Variants in E2F2 observed in about 807,000 individuals in gnomAD.
E2F2 encodes the protein E2F transcription factor 2.
Under a neutral mutation model 42.2 loss-of-function variants are expected in E2F2, and 22 were observed. The ratio of observed to expected loss-of-function variants is 0.52; its 90% CI spans 0.37 to 0.74. E2F2 has a LOEUF of 0.74. Ranked by LOEUF, E2F2 falls within the 30% of genes least tolerant of loss-of-function variation. The pLI, the probability that E2F2 is intolerant of heterozygous loss-of-function variation, is 0.00. For synonymous variants in E2F2, 248 were observed against 251.6 expected (o/e 0.99, Z 0.13); for missense variants, 481 against 557.8 (o/e 0.86, Z 1.39).
intron 6 of E2F2, among the ~76,000 whole-genome samples, chr1:23,513,679 T>A (rs113787063): frequency 4.5e-4 from 68 of 149,918 alleles, no homozygotes; most frequent in African/African-American, 1.7e-3. Context: ...GAAAACTTCC[T>A]CCTCCTCCCT....
In E2F2 at chr1:23,516,802, G is replaced by A. The variant is rs898417949; in HGVS notation, c.853-275C>T. 7.0e-4 allele frequency among the ~76,000 whole-genome samples: 98 copies of A among 139,460 alleles called. 1 individual carries two copies. Among genetic ancestry groups the A allele is most frequent in the African/African-American group, 2.4e-3 (95 of 39,324 alleles). 91.5% of individuals were successfully genotyped at this position (139,460 alleles called of 152,430 possible). A position where few individuals can be genotyped will look rare whatever the true frequency, so the allele number is the denominator to read the frequency against. On this transcript the variant is annotated intron_variant, in intron 5 of 6. Transcript: ENST00000361729. ...TCAGGTCATCTAGTTTTGGGGCGGGGGGGGGGGGGCAGCACCCTTCCCCAA... is the reference window on the plus strand; with the variant it reads ...TCAGGTCATCTAGTTTTGGGGCGGGAGGGGGGGGGCAGCACCCTTCCCCAA...
At chr1:23,518,939 C>CA in intron 5 of E2F2, 77 bp downstream of exon 5, 1 of 1,149,394 alleles carries the variant, frequency 8.7e-7, no homozygotes, top group Non-Finnish European at 1.3e-6. Context: ...GTGCCAGGGA[C>CA]AGAGTCTGCA....
intron 1 of E2F2, among the ~76,000 whole-genome samples, chr1:23,527,087 G>A (rs1643263915): frequency 1.3e-5 from 2 of 152,206 alleles, no homozygotes; most frequent in Admixed American, 1.3e-4. Context: ...CTGAGCACAG[G>A]TCTTGGAGTC....
intron 2 of E2F2, among the ~76,000 whole-genome samples, chr1:23,524,113 A>C (rs866149250): frequency 5.4e-5 from 8 of 147,636 alleles, no homozygotes; most frequent in Non-Finnish European, 1.2e-4. Flanking sequence ...ACAAAAAAAA[A>C]CACAGAAGTA....
rs1643272493 is a variant in E2F2, at chr1:23,527,577, G to A, written c.252+2965C>T. ...CACGGTGAGGAAACTGGGACTTGGGGAAGAGGAATTGACTTGCCCAAGGTC... is the reference window on the plus strand; with the variant it reads ...CACGGTGAGGAAACTGGGACTTGGGAAAGAGGAATTGACTTGCCCAAGGTC... On this transcript the variant is annotated intron_variant, in intron 1 of 6. Coordinates refer to ENST00000361729, the MANE Select transcript of E2F2 (RefSeq NM_004091.4). Among the ~76,000 whole-genome samples, 3 of 152,222 alleles carry A rather than the reference G, an allele frequency of 2.0e-5. No homozygotes were observed. The South Asian group carries it at 6.2e-4, about 32-fold the overall frequency.
In E2F2 at chr1:23,521,087, C is replaced by T; in HGVS notation, c.579-16G>A. 6.3e-7 allele frequency: 1 copy of T among 1,598,080 alleles called. No homozygotes were observed. Among genetic ancestry groups the T allele is most frequent in the Non-Finnish European group, 8.5e-7 (1 of 1,173,192 alleles). ...TCCCCTGCCTCTGGGAACAGAGCAG[C>T]CCCCCAGTGTCAGTCTGTGGGTGAA... On this transcript the variant is annotated splice_polypyrimidine_tract_variant and intron_variant, in intron 3 of 6. Transcript: ENST00000361729.
chr1:23,523,813 C>A (rs1643197645), intron 2 of E2F2, among the ~76,000 whole-genome samples: 1 of 152,134 alleles, frequency 6.6e-6, no homozygotes, highest in Non-Finnish European at 1.5e-5. Context: ...GTGGCTCACG[C>A]CTGTAATCCC....
downstream of E2F2, among the ~76,000 whole-genome samples, chr1:23,506,189 T>C (rs1051937106): frequency 6.6e-6 from 1 of 151,978 alleles, no homozygotes; most frequent in African/African-American, 2.4e-5. Flanking sequence ...CAGGAAGCTG[T>C]GGAAATAGAT....
At chr1:23,510,844 A>C (rs1039845573) in intron 6 of E2F2, among the ~76,000 whole-genome samples, 1 of 152,212 alleles carries the variant, frequency 6.6e-6, no homozygotes, top group Non-Finnish European at 1.5e-5. Flanking sequence ...GAAAGGAGTT[A>C]TGGAGATGAA....
At position 23,530,767 on chromosome 1, in the gene E2F2, A is replaced by T; in HGVS notation, c.27T>A (p.Ala9=). 6.4e-7 allele frequency: 1 copy of T among 1,567,730 alleles called. No individual in the cohort carries two copies. The highest frequency in any genetic ancestry group is 8.7e-7 in the Non-Finnish European group (1 of 1,154,874). ...CCTTCGGGGTCTGCCCAGCGGCCGA[A>T]GCCAAGGCCCGGGGCCCTTGCAGCA... MLQGPRAL[A]SAAGQTPKVV... is the part of the protein sequence containing the mutation. Residue 9 remains alanine (A), a synonymous_variant, in exon 1 of 7, where the codon GCT becomes GCA. Transcript: ENST00000361729. The surrounding 1 kb of genome is among the most constrained non-coding windows in gnomAD (Gnocchi z 4.4).
In E2F2 at chr1:23,509,534, G is replaced by T. The variant is rs537078594; in HGVS notation, c.*346C>A. 2.0e-3 allele frequency: 434 copies of T among 216,186 alleles called. 2 individuals carry two copies. The highest frequency in any genetic ancestry group is 3.3e-3 in the Non-Finnish European group (367 of 110,456). 13.4% of individuals were successfully genotyped at this position (216,186 alleles called of 1,614,324 possible). A position where few individuals can be genotyped will look rare whatever the true frequency, so the allele number is the denominator to read the frequency against. ...AAAGGCATTATGTGCTTCTTGGTAC[G>T]TCGAGGGTCCTAATTACCCCTCAAA... On this transcript the variant is annotated 3_prime_UTR_variant, in exon 7 of 7. Coordinates refer to ENST00000361729, the MANE Select transcript of E2F2 (RefSeq NM_004091.4).
rs1002988442 is a variant in E2F2 at position 23,531,197 on chromosome 1, C to A, written c.-404G>T. 2.4e-5 allele frequency: 5 copies of A among 204,746 alleles called. No individual in the cohort carries two copies. Among genetic ancestry groups the A allele is most frequent in the South Asian group, 1.8e-4 (1 of 5,614 alleles). 12.7% of individuals were successfully genotyped at this position (204,746 alleles called of 1,614,324 possible). ...AGGGGGGTCTCGACTGCACCGACTTCCTTGCGGCTCGCTCTCTAGTCCTTG... is the reference window on the plus strand; with the variant it reads ...AGGGGGGTCTCGACTGCACCGACTTACTTGCGGCTCGCTCTCTAGTCCTTG... On this transcript the variant is annotated 5_prime_UTR_variant, in exon 1 of 7. Coordinates refer to ENST00000361729, the MANE Select transcript of E2F2 (RefSeq NM_004091.4).
At chr1:23,517,762 A>G (rs1643052822) in intron 5 of E2F2, among the ~76,000 whole-genome samples, 1 of 152,250 alleles carries the variant, frequency 6.6e-6, no homozygotes, top group Non-Finnish European at 1.5e-5. Context: ...TCTGGAGGTA[A>G]TCAGAGAAGG....
At chr1:23,516,808 G>C (rs546876422) in intron 5 of E2F2, among the ~76,000 whole-genome samples, 7 of 138,630 alleles carry the variant, frequency 5.0e-5, no homozygotes, top group Non-Finnish European at 9.5e-5. Context: ...CGGGGGGGGG[G>C]GGGCAGCACC....
Position 23,510,100 on chromosome 1 carries a change from A to G in E2F2, c.1094T>C (p.Leu365Pro), listed in dbSNP as rs1553182628. The G allele has an allele frequency of 1.2e-6, 2 of 1,605,518 alleles. No individual in the cohort carries two copies. The highest frequency in any genetic ancestry group is 1.7e-6 in the Non-Finnish European group (2 of 1,176,934). Reference protein sequence around the residue: ...TPQQAPPPPSLVPLEATDSLL... With the variant: ...TPQQAPPPPSPVPLEATDSLL... ...GCTGTCAGTAGCCTCCAAGGGGACC[A>G]GGGATGGAGGCGGTGGGGCCTGCTG... Residue 365 changes from leucine (L) to proline (P), a missense_variant, in exon 7 of 7, where the codon CTG becomes CCG. Transcript: ENST00000361729.
chr1:23,524,785 G>C (rs1261398240), intron 1 of E2F2, among the ~76,000 whole-genome samples: 1 of 152,252 alleles, frequency 6.6e-6, no homozygotes, highest in East Asian at 1.9e-4. Flanking sequence ...CCTTAACCAC[G>C]GGCCCTAAGC....
At chr1:23,511,886 G>A (rs947969852) in intron 6 of E2F2, among the ~76,000 whole-genome samples, 2 of 152,154 alleles carry the variant, frequency 1.3e-5, no homozygotes, top group African/African-American at 2.4e-5. Context: ...TCAGAGGACC[G>A]CATGGTAAGT....
At position 23,507,897 on chromosome 1, in the gene E2F2, C is replaced by T. The variant is rs1642832165; in HGVS notation, c.*1983G>A. 1 of 152,308 alleles carries T rather than the reference C, an allele frequency of 6.6e-6. No homozygotes were observed. The highest frequency in any genetic ancestry group is 1.5e-5 in the Non-Finnish European group (1 of 68,116). 9.4% of individuals were successfully genotyped at this position (152,308 alleles called of 1,614,324 possible). On this transcript the variant is annotated 3_prime_UTR_variant, in exon 7 of 7. Transcript: ENST00000361729. ...GTAATTCTTGGGGAAAGCTCCAGAG[C>T]CCAAGGAATGGGAGTCAAACACCTC...
Position 23,530,741 on chromosome 1 carries a change from A to G in E2F2, c.53T>C (p.Val18Ala), listed in dbSNP as rs1338176519. ...CTCTGTGGGGCTCATCGCGGGCACC[A>G]CCTTCGGGGTCTGCCCAGCGGCCGA... ...LASAAGQTPK[V>A]VPAMSPTELW... Residue 18 changes from valine (V) to alanine (A), a missense_variant, in exon 1 of 7, where the codon GTG (valine) becomes GCG (alanine). Transcript: ENST00000361729. The surrounding 1 kb of genome is among the most constrained non-coding windows in gnomAD (Gnocchi z 4.4). 1.9e-6 allele frequency: 3 copies of G among 1,592,578 alleles called. No individual in the cohort carries two copies. The highest frequency in any genetic ancestry group is 2.6e-6 in the Non-Finnish European group (3 of 1,169,490).
Sources: gnomAD v4.1 joint callset for allele counts (sites outside exome capture counted in the v4.1 genomes callset) on GRCh38, gnomAD v4.1.1 for gene constraint, Gnocchi (gnomAD v3.1) non-coding constraint, MANE v1.5 for transcripts, NCBI Gene and HGNC (gene_info 2026-07-23, HGNC 2026-07-21) for gene names.